MGAT4C: variants seen among roughly 807,000 people sequenced by gnomAD.
MGAT4C encodes alpha-1,3-mannosyl-glycoprotein 4-beta-N-acetylglucosaminyltransferase C.
Under a neutral mutation model 40.1 loss-of-function variants are expected in MGAT4C, and 19 were observed. The observed-to-expected ratio is 0.47, with a 90% CI of 0.33 to 0.70. MGAT4C has a LOEUF of 0.70. Among genes scored for constraint, MGAT4C ranks in the 30% least tolerant of loss-of-function variants. The pLI is 0.02. For synonymous variants in MGAT4C, 181 were observed against 187.1 expected (o/e 0.97, Z 0.27); for missense variants, 491 against 563.2 (o/e 0.87, Z 1.30).
At chr12:86,622,652 A>G (rs1002420155) in intron 2 of MGAT4C, among the ~76,000 whole-genome samples, 4 of 152,190 alleles carry the variant, frequency 2.6e-5, no homozygotes, top group African/African-American at 9.6e-5. Context: ...TGTTTAAAAT[A>G]ATTTAACAAT....
intron 1 of MGAT4C, among the ~76,000 whole-genome samples, chr12:86,735,139 G>T (rs769332682): frequency 6.6e-6 from 1 of 151,824 alleles, no homozygotes; most frequent in South Asian, 2.1e-4. Flanking sequence ...TTTCCATCTC[G>T]CCTAATGAGT....
chr12:86,225,929 G>C (rs1212594921), intron 1 of MGAT4C, among the ~76,000 whole-genome samples: 4 of 151,930 alleles, frequency 2.6e-5, no homozygotes, highest in Non-Finnish European at 5.9e-5. Context: ...CATAGTAGTG[G>C]AAGTCCTAGC....
intron 1 of MGAT4C, among the ~76,000 whole-genome samples, chr12:86,188,338 A>C (rs1387793609): frequency 1.3e-5 from 2 of 152,008 alleles, no homozygotes; most frequent in African/African-American, 4.8e-5. Context: ...AGCATTTAAA[A>C]TTCCCTCAGG....
intron 2 of MGAT4C, among the ~76,000 whole-genome samples, chr12:86,511,956 C>T (rs1163016168): frequency 2.6e-5 from 4 of 151,820 alleles, no homozygotes; most frequent in Non-Finnish European, 4.4e-5. Context: ...ATTGAAAAGG[C>T]AATTTATGAA....
intron 3 of MGAT4C, among the ~76,000 whole-genome samples, chr12:86,351,173 G>T (rs1955152700): frequency 6.6e-6 from 1 of 151,918 alleles, no homozygotes; most frequent in Admixed American, 6.6e-5. Flanking sequence ...CTCTAGAGAT[G>T]TACTAGAAAT....
upstream of MGAT4C, among the ~76,000 whole-genome samples, chr12:86,259,687 T>C (rs951684666): frequency 4.5e-5 from 3 of 67,266 alleles, no homozygotes; most frequent in Admixed American, 1.6e-4. Context: ...TCAGAGAATA[T>C]AAAATATTTT....
At chr12:86,408,253 G>A (rs1019312004) in intron 3 of MGAT4C, among the ~76,000 whole-genome samples, 1 of 151,744 alleles carries the variant, frequency 6.6e-6, no homozygotes, top group Non-Finnish European at 1.5e-5. Flanking sequence ...ATAAAAATAT[G>A]ACCCATCATA....
At position 86,749,348 on chromosome 12, in the gene MGAT4C, T is replaced by C. The variant is rs191699927; in HGVS notation, c.-261-22107A>G. On this transcript the variant is annotated intron_variant, in intron 1 of 7. Transcript: ENST00000548651. ...GTCTTGTTAATTGTATTATATTGCATTAATTTGCATAAAATACATAGAAAC... is the reference window on the plus strand; with the variant it reads ...GTCTTGTTAATTGTATTATATTGCACTAATTTGCATAAAATACATAGAAAC... Among the ~76,000 whole-genome samples, 67 of 151,870 alleles carry C rather than the reference T, an allele frequency of 4.4e-4. 1 individual carries two copies. The highest frequency in any genetic ancestry group is 1.3e-3 in the Admixed American group (20 of 15,192).
intron 2 of MGAT4C, among the ~76,000 whole-genome samples, chr12:86,441,337 AT>A (rs1957223537): frequency 6.6e-6 from 1 of 150,942 alleles, no homozygotes; most frequent in Non-Finnish European, 1.5e-5. Flanking sequence ...TTTTTTTATT[AT>A]TATTTTTATT....
intron 2 of MGAT4C, among the ~76,000 whole-genome samples, chr12:86,668,781 C>A (rs1349301393): frequency 6.6e-6 from 1 of 152,178 alleles, no homozygotes; most frequent in Non-Finnish European, 1.5e-5. Context: ...GCAGTTTCTC[C>A]TGGGTGGTGG....
chr12:86,829,531 T>C (rs926163524), intron 1 of MGAT4C, among the ~76,000 whole-genome samples: 3 of 151,596 alleles, frequency 2.0e-5, no homozygotes, highest in East Asian at 1.9e-4. Flanking sequence ...TAAAATTTCA[T>C]ACAATCTTAG....
At chr12:86,341,490 A>C (rs1418125057) in intron 3 of MGAT4C, among the ~76,000 whole-genome samples, 1 of 152,222 alleles carries the variant, frequency 6.6e-6, no homozygotes, top group Non-Finnish European at 1.5e-5. Context: ...CAAGAGGCTG[A>C]ATCCAGGGGG....
intron 2 of MGAT4C, among the ~76,000 whole-genome samples, chr12:86,533,567 C>A (rs779903630): frequency 1.3e-5 from 2 of 151,124 alleles, no homozygotes; most frequent in South Asian, 2.1e-4. Flanking sequence ...TGTGTGTGTG[C>A]GTGTATGTAT....
At chr12:86,695,129 AAAG>A (rs1950233151) in intron 2 of MGAT4C, among the ~76,000 whole-genome samples, 1 of 152,202 alleles carries the variant, frequency 6.6e-6, no homozygotes, top group African/African-American at 2.4e-5. Context: ...ACATTTCTCA[AAAG>A]AAGACATGCA....
chr12:86,822,288 G>T (rs1388779646), intron 1 of MGAT4C, among the ~76,000 whole-genome samples: 3 of 151,046 alleles, frequency 2.0e-5, no homozygotes, highest in Non-Finnish European at 4.5e-5. Flanking sequence ...GGAAAAGGAA[G>T]AAACAAAAGG....
chr12:86,577,661 T>C (rs1333068200), intron 2 of MGAT4C, among the ~76,000 whole-genome samples: 2 of 151,870 alleles, frequency 1.3e-5, no homozygotes, highest in Non-Finnish European at 1.5e-5. Flanking sequence ...TAATGATCTT[T>C]CTAATTTTGA....
rs76431298 is a variant in MGAT4C at position 86,726,438 on chromosome 12, T to C, written c.-229+771A>G. Among the ~76,000 whole-genome samples the C allele has an allele frequency of 3.7e-3, 567 of 152,318 alleles. 2 individuals carry two copies. Among genetic ancestry groups the C allele is most frequent in the Non-Finnish European group, 6.4e-3 (434 of 68,006 alleles). The stretch of plus-strand genomic sequence containing the variant: ...ATACGATATTACCTAATATATTTTA[T>C]ATGCCTAAACTCCTTCTTATTCACT... On this transcript the variant is annotated intron_variant, in intron 2 of 7. Coordinates refer to the MGAT4C transcript ENST00000548651.
At chr12:86,158,831 C>G (rs890712220) in intron 1 of MGAT4C, among the ~76,000 whole-genome samples, 2 of 152,116 alleles carry the variant, frequency 1.3e-5, no homozygotes, top group African/African-American at 4.8e-5. Context: ...TGATTTCACT[C>G]TCAGCCTAGA....
In MGAT4C at chr12:85,981,448, T is replaced by C. The variant is rs540886680; in HGVS notation, c.296-1018A>G. On this transcript the variant is annotated intron_variant, in intron 4 of 4. Transcript: ENST00000611864. ...TTGTATGATATTGAAAAAAGCCCCATTCCAAAAACAGTTTGTCAGAGAGAT... is the reference window on the plus strand; with the variant it reads ...TTGTATGATATTGAAAAAAGCCCCACTCCAAAAACAGTTTGTCAGAGAGAT... Among the ~76,000 whole-genome samples the C allele has an allele frequency of 2.0e-4, 31 of 152,268 alleles. No individual in the cohort carries two copies. In the South Asian group the frequency reaches 6.4e-3, roughly 32 times the overall value.
Sources: gnomAD v4.1 joint callset for allele counts (sites outside exome capture counted in the v4.1 genomes callset) on GRCh38, gnomAD v4.1.1 for gene constraint, MANE v1.5 for transcripts, NCBI Gene and HGNC (gene_info 2026-07-23, HGNC 2026-07-21) for gene names.